Variants in JCAD observed in about 807,000 individuals in gnomAD.
JCAD encodes the protein junctional cadherin 5-associated protein.
A neutral mutation model predicts 98.0 loss-of-function variants in JCAD; 40 were observed. That is an observed-to-expected ratio of 0.41 (90% CI 0.32 to 0.53). The LOEUF (loss-of-function observed/expected upper bound fraction) is 0.53, where lower values mean the gene tolerates loss of function less well. JCAD is among the 20% of genes least tolerant of loss of function. The probability of loss-of-function intolerance (pLI) is 0.31; values close to 1 mark genes in which losing one functional copy is unlikely to be tolerated. For missense variants in JCAD, 1,705 were observed against 1,738.1 expected, an observed-to-expected ratio of 0.98 and a Z score of 0.34; for synonymous variants, 691 against 682.3, an observed-to-expected ratio of 1.01 and a Z score of -0.20.
chr10:30,039,348 G>A (rs934276058), intron 2 of JCAD, among the ~76,000 whole-genome samples: 2 of 152,194 alleles, frequency 1.3e-5, no homozygotes, highest in Admixed American at 6.5e-5. Context: ...CTGCACGCAG[G>A]GCAGACACTG....
At chr10:30,105,248 A>G (rs7915293) in intron 1 of JCAD, among the ~76,000 whole-genome samples, 38,248 of 152,168 alleles carry the variant, frequency 0.25, 5,231 homozygotes, top group East Asian at 0.34. Context: ...ATCTAAAAAG[A>G]TGAAAAGAAG....
chr10:30,055,863 A>C (rs1837561476), intron 1 of JCAD, among the ~76,000 whole-genome samples: 1 of 152,198 alleles, frequency 6.6e-6, no homozygotes, highest in African/African-American at 2.4e-5. Context: ...AACATTATGC[A>C]CTGAATTTTT....
chr10:30,059,103 G>A lies in JCAD; in HGVS notation c.-60+379C>T, dbSNP rs1837647141. ...AGGCTGGGGAGGGCGACTTCGAGAG[G>A]GGAGTGAGTGACCCCGGCCCCCCAG... On this transcript the variant is annotated intron_variant, in intron 1 of 3. Coordinates refer to ENST00000375377, the MANE Select transcript of JCAD (RefSeq NM_020848.4). This position sits in a 1 kb window ranked among gnomAD's most constrained non-coding sequence, Gnocchi z 5.0. Among the ~76,000 whole-genome samples the A allele has an allele frequency of 6.6e-6, 1 of 151,978 alleles. No homozygotes were observed. Among genetic ancestry groups the A allele is most frequent in the South Asian group, 2.1e-4 (1 of 4,830 alleles).
intron 1 of JCAD, among the ~76,000 whole-genome samples, chr10:30,051,059 T>A (rs1281205671): frequency 1.3e-5 from 2 of 152,212 alleles, no homozygotes; most frequent in Non-Finnish European, 1.5e-5. Context: ...GGCTACTAAT[T>A]TAGGTTCACT....
chr10:30,064,562 AT>A (rs1480523101), upstream of JCAD, among the ~76,000 whole-genome samples: 1 of 152,182 alleles, frequency 6.6e-6, no homozygotes, highest in African/African-American at 2.4e-5. Flanking sequence ...ATTTTGAAAT[AT>A]ACAATACACT....
chr10:30,109,453 G>C (rs1838648940), intron 1 of JCAD, among the ~76,000 whole-genome samples: 1 of 152,088 alleles, frequency 6.6e-6, no homozygotes, highest in Non-Finnish European at 1.5e-5. Context: ...ATGGATGCCT[G>C]TGGCCCTGTC....
intron 1 of JCAD, among the ~76,000 whole-genome samples, chr10:30,107,244 G>T (rs1001363400): frequency 6.6e-6 from 1 of 152,146 alleles, no homozygotes; most frequent in African/African-American, 2.4e-5. Context: ...GAGATAGGAG[G>T]TCACATGATA....
chr10:30,092,917 A>G (rs563955537), intron 1 of JCAD, among the ~76,000 whole-genome samples: 2 of 152,274 alleles, frequency 1.3e-5, no homozygotes, highest in African/African-American at 4.8e-5. Context: ...ATGGAAAAAT[A>G]GAATATTCTG....
intron 1 of JCAD, among the ~76,000 whole-genome samples, chr10:30,057,775 T>TA (rs1301548966): frequency 1.2e-4 from 18 of 152,164 alleles, no homozygotes; most frequent in African/African-American, 3.4e-4. Flanking sequence ...CAGTGACACT[T>TA]AGAGACTTCA....
chr10:30,113,929 T>A (rs1448385638), intron 1 of JCAD, among the ~76,000 whole-genome samples: 1 of 152,160 alleles, frequency 6.6e-6, no homozygotes, highest in Admixed American at 6.5e-5. Context: ...AGGATGGTCT[T>A]GATCTCCTAT....
Position 30,026,097 on chromosome 10 carries a change from C to A in JCAD, c.4045+6G>T, listed in dbSNP as rs1354975820. The A allele has an allele frequency of 6.2e-7, 1 of 1,614,084 alleles. No individual in the cohort carries two copies. The highest frequency in any genetic ancestry group is 8.5e-7 in the Non-Finnish European group (1 of 1,180,042). ...TGAGCACCTGCCTGTCTGCCTGATT[C>A]CTCACCTGGGCACCAGAAGTCTTGA... On this transcript the variant is annotated splice_donor_region_variant and intron_variant, in intron 3 of 3. Coordinates refer to ENST00000375377, the MANE Select transcript of JCAD (RefSeq NM_020848.4).
intron 2 of JCAD, among the ~76,000 whole-genome samples, chr10:30,065,182 A>G (rs1837762798): frequency 6.6e-6 from 1 of 152,206 alleles, no homozygotes; most frequent in African/African-American, 2.4e-5. Flanking sequence ...CCGGCATTTG[A>G]TATATCAGTA....
chr10:30,044,963 G>T (rs1837307369), intron 2 of JCAD: 1 of 171,194 alleles, frequency 5.8e-6, no homozygotes, highest in African/African-American at 2.4e-5. Context: ...CAATCCAAAA[G>T]CCACTCTACA....
chr10:30,042,407 T>C (rs563405987), intron 2 of JCAD, among the ~76,000 whole-genome samples: 15 of 152,112 alleles, frequency 9.9e-5, no homozygotes, highest in Admixed American at 7.2e-4. Context: ...TACTCAAGCA[T>C]CCACCGGCTG....
rs1039219681 is a variant in JCAD at position 30,016,282 on chromosome 10, C to A, written c.*1601G>T. 6.6e-6 allele frequency: 1 copy of A among 150,470 alleles called. No individual in the cohort carries two copies. The highest frequency in any genetic ancestry group is 2.5e-5 in the African/African-American group (1 of 40,718). The allele number at this position is 150,470 out of a possible 1,614,324, so 9.3% of individuals were successfully genotyped here. Reference sequence around the variant, plus strand: ...TCTAAAAATAGATAAGGTGGTTTCTCTAAAAGAAAATAAAATGAAAGAGAA... The same window carrying A: ...TCTAAAAATAGATAAGGTGGTTTCTATAAAAGAAAATAAAATGAAAGAGAA... On this transcript the variant is annotated 3_prime_UTR_variant, in exon 4 of 4. Coordinates refer to ENST00000375377, the MANE Select transcript of JCAD (RefSeq NM_020848.4).
At chr10:30,073,874 G>A (rs985862241) in intron 1 of JCAD, among the ~76,000 whole-genome samples, 3 of 152,102 alleles carry the variant, frequency 2.0e-5, no homozygotes, top group Non-Finnish European at 4.4e-5. Flanking sequence ...TAAAAGGCAG[G>A]ATATTTAGAG....
chr10:30,103,400 G>T (rs1317582141), intron 1 of JCAD, among the ~76,000 whole-genome samples: 1 of 152,140 alleles, frequency 6.6e-6, no homozygotes, highest in Non-Finnish European at 1.5e-5. Flanking sequence ...GGCAATCCTG[G>T]TTGTTCTTTT....
chr10:30,079,206 G>A (rs575220219), intron 1 of JCAD, among the ~76,000 whole-genome samples: 3 of 152,160 alleles, frequency 2.0e-5, no homozygotes, highest in East Asian at 1.9e-4. Context: ...AATTAGCCGG[G>A]CGTGGTGGCC....
At chr10:30,110,790 A>G (rs1190209245) in intron 1 of JCAD, among the ~76,000 whole-genome samples, 8 of 151,812 alleles carry the variant, frequency 5.3e-5, no homozygotes, top group African/African-American at 1.5e-4. Flanking sequence ...TGATGTATGG[A>G]CCCACTGATG....
Sources: allele counts gnomAD v4.1 joint callset (sites outside exome capture counted in the v4.1 genomes callset), GRCh38; gene constraint gnomAD v4.1.1; non-coding constraint Gnocchi (gnomAD v3.1); transcripts MANE v1.5; gene names NCBI Gene and HGNC (gene_info 2026-07-23, HGNC 2026-07-21).